The following DDAH1 variants were observed in gnomAD, a reference collection of about 807,000 sequenced individuals.
The protein encoded by DDAH1 is dimethylarginine dimethylaminohydrolase 1.
In DDAH1, 19 loss-of-function variants were observed where a neutral mutation model predicts 28.8. The ratio of observed to expected loss-of-function variants is 0.66; its 90% confidence interval spans 0.46 to 0.97. DDAH1 has a LOEUF of 0.97. Ranked by LOEUF, DDAH1 falls within the 50% of genes least tolerant of loss-of-function variation. DDAH1 has a pLI of 0.00. For synonymous variants in DDAH1, 153 were observed against 154.4 expected, an observed-to-expected ratio of 0.99 and a Z score of 0.07; for missense variants, 326 against 375.9, an observed-to-expected ratio of 0.87 and a Z score of 1.10.
At chr1:85,421,633 G>C (rs1009220563) in intron 1 of DDAH1, among the ~76,000 whole-genome samples, 2 of 152,034 alleles carry the variant, frequency 1.3e-5, no homozygotes, top group Non-Finnish European at 2.9e-5. Flanking sequence ...CTGAGCCCCT[G>C]ATCTTTTCAC....
intron 1 of DDAH1, among the ~76,000 whole-genome samples, chr1:85,513,807 C>A (rs61785207): frequency 0.13 from 20,479 of 152,206 alleles, 1,454 homozygotes; most frequent in Non-Finnish European, 0.16. Context: ...AATAAGATAC[C>A]ATCTCATGCC....
At chr1:85,382,849 AT>A (rs1162981537) in intron 1 of DDAH1, among the ~76,000 whole-genome samples, 1 of 152,244 alleles carries the variant, frequency 6.6e-6, no homozygotes, top group African/African-American at 2.4e-5. Flanking sequence ...CAAAACTTGC[AT>A]AACAGCACAT....
chr1:85,432,219 T>C (rs557692051), intron 1 of DDAH1, among the ~76,000 whole-genome samples: 5 of 152,298 alleles, frequency 3.3e-5, no homozygotes, highest in East Asian at 3.9e-4. Flanking sequence ...GATAGCAAGA[T>C]TGAACATCAC....
At chr1:85,420,287 T>G (rs923315352) in intron 1 of DDAH1, among the ~76,000 whole-genome samples, 3 of 152,252 alleles carry the variant, frequency 2.0e-5, no homozygotes, top group Non-Finnish European at 4.4e-5. Flanking sequence ...TTTTTAGTTA[T>G]GCAAATTTCT....
chr1:85,337,872 G>A (rs1174700007), intron 4 of DDAH1, among the ~76,000 whole-genome samples: 1 of 152,218 alleles, frequency 6.6e-6, no homozygotes, highest in Non-Finnish European at 1.5e-5. Context: ...CTCAGAGCCT[G>A]CCTTCAATGA....
intron 1 of DDAH1, among the ~76,000 whole-genome samples, chr1:85,385,100 T>C (rs1481511546): frequency 1.3e-5 from 2 of 152,240 alleles, no homozygotes; most frequent in African/African-American, 4.8e-5. Context: ...GAAGTACAAG[T>C]AATAATCACT....
At chr1:85,466,829 A>ATTTTTTTTTTTTTT (rs1158919618), upstream of DDAH1, among the ~76,000 whole-genome samples, 2 of 46,558 alleles carry the variant, frequency 4.3e-5, no homozygotes, top group Non-Finnish European at 8.7e-5. Context: ...TTCATTATTT[A>ATTTTTTTTTTTTTT]TTCTTTTTTT....
chr1:85,324,622 T>A lies in DDAH1; in HGVS notation c.741+118A>T. 2.8e-5 allele frequency: 33 copies of A among 1,174,092 alleles called. 1 individual carries two copies. The highest frequency in any genetic ancestry group is 4.0e-5 in the Non-Finnish European group (33 of 834,972). 72.7% of individuals were successfully genotyped at this position (1,174,092 alleles called of 1,614,324 possible). On this transcript the variant is annotated intron_variant, in intron 5 of 5. Coordinates refer to ENST00000284031, the MANE Select transcript of DDAH1 (RefSeq NM_012137.4). ...GTGCCCTAAATTGTATTATCCTTTC[T>A]TTTCTTAATTGTTTGATATGTATAC...
intron 1 of DDAH1, among the ~76,000 whole-genome samples, chr1:85,414,171 G>A (rs1049741711): frequency 6.6e-6 from 1 of 151,474 alleles, no homozygotes; most frequent in Non-Finnish European, 1.5e-5. Context: ...TTAGAACCCA[G>A]AAACAGATCC....
At chr1:85,400,202 TTTTTTTGA>T (rs1652017036) in intron 1 of DDAH1, among the ~76,000 whole-genome samples, 1 of 92,368 alleles carries the variant, frequency 1.1e-5, no homozygotes, top group African/African-American at 4.4e-5. Context: ...TTTTTTTTTT[TTTTTTTGA>T]GACGGAGTCT....
intron 1 of DDAH1, among the ~76,000 whole-genome samples, chr1:85,534,976 A>C (rs1570651730): frequency 6.6e-6 from 1 of 152,210 alleles, no homozygotes; most frequent in South Asian, 2.1e-4. Flanking sequence ...AAGAAAAAGA[A>C]GAAAAGGAGG....
At chr1:85,426,542 G>C (rs1463633712) in intron 1 of DDAH1, among the ~76,000 whole-genome samples, 1 of 152,134 alleles carries the variant, frequency 6.6e-6, no homozygotes, top group African/African-American at 2.4e-5. Context: ...TTATAAGTAG[G>C]TAACAAGCTA....
chr1:85,553,355 G>C (rs1440914291), intron 1 of DDAH1, among the ~76,000 whole-genome samples: 1 of 152,238 alleles, frequency 6.6e-6, no homozygotes, highest in Non-Finnish European at 1.5e-5. Context: ...AAAAGCCAGA[G>C]AGTGAATTTT....
At position 85,321,588 on chromosome 1, in the gene DDAH1, A is replaced by G; in HGVS notation, c.742-20T>C. 6.5e-7 allele frequency: 1 copy of G among 1,536,526 alleles called. No individual in the cohort carries two copies. The highest frequency in any genetic ancestry group is 9.0e-7 in the Non-Finnish European group (1 of 1,109,444). The stretch of plus-strand genomic sequence containing the variant: ...ATAAACCTACAGTGGGAATCAAGGA[A>G]AAGGAAGAAAAGAAGGATTATGTTT... On this transcript the variant is annotated intron_variant, in intron 5 of 5. Coordinates refer to ENST00000284031, the MANE Select transcript of DDAH1 (RefSeq NM_012137.4).
intron 1 of DDAH1, among the ~76,000 whole-genome samples, chr1:85,361,770 C>A (rs926879233): frequency 6.6e-5 from 10 of 152,182 alleles, no homozygotes. Context: ...ACAGCTGCTG[C>A]AGATCACCTC....
intron 1 of DDAH1, 118 bp from the exon 2 acceptor site, chr1:85,358,965 TC>T (rs1649638915): frequency 4.8e-6 from 3 of 626,066 alleles, no homozygotes; most frequent in Non-Finnish European, 8.4e-6. Flanking sequence ...ACATCCACAC[TC>T]ATATACACAC....
At chr1:85,354,062 A>C (rs2100849032) in intron 2 of DDAH1, among the ~76,000 whole-genome samples, 1 of 152,288 alleles carries the variant, frequency 6.6e-6, no homozygotes, top group African/African-American at 2.4e-5. Context: ...TCTCCTAAAT[A>C]ATCTTCCTGA....
intron 1 of DDAH1, among the ~76,000 whole-genome samples, chr1:85,405,633 T>TG (rs1553131053): frequency 6.7e-6 from 1 of 148,840 alleles, no homozygotes; most frequent in Non-Finnish European, 1.5e-5. Context: ...AAAAGTGCCC[T>TG]AAAAAAAAAA....
chr1:85,429,682 T>C (rs1653578197), intron 1 of DDAH1, among the ~76,000 whole-genome samples: 2 of 152,208 alleles, frequency 1.3e-5, no homozygotes. Context: ...CACTGTTGTT[T>C]CTTGACTTTT....
Sources: gnomAD v4.1 joint callset for allele counts (sites outside exome capture counted in the v4.1 genomes callset) on GRCh38, gnomAD v4.1.1 for gene constraint, MANE v1.5 for transcripts, NCBI Gene and HGNC (gene_info 2026-07-23, HGNC 2026-07-21) for gene names.